The following ANKRD30B variants were observed in gnomAD, a reference collection of about 807,000 sequenced individuals.
ANKRD30B encodes ankyrin repeat domain 30B.
ANKRD30B carries 144 observed loss-of-function variants against 202.2 expected under a neutral mutation model. That is an observed-to-expected ratio of 0.71 (90% CI 0.62 to 0.82). The LOEUF is 0.82. Among genes scored for constraint, ANKRD30B ranks in the 40% least tolerant of loss-of-function variants. ANKRD30B has a pLI of 0.00. For missense variants in ANKRD30B, 1,487 were observed against 1,669.1 expected (o/e 0.89, Z 1.90); for synonymous variants, 508 against 561.3 (o/e 0.91, Z 1.34).
chr18:14,902,665 A>G, the ANKRD30B span, among the ~76,000 whole-genome samples: 1 of 152,060 alleles, frequency 6.6e-6, no homozygotes, highest in Non-Finnish European at 1.5e-5. Context: ...ATGTGTCTGT[A>G]TCCTTTAGTT....
At chr18:14,885,161 A>G in the ANKRD30B span, among the ~76,000 whole-genome samples, 1 of 152,124 alleles carries the variant, frequency 6.6e-6, no homozygotes, top group East Asian at 1.9e-4. Context: ...GCCAGTAATC[A>G]CCTATACTGA....
chr18:14,791,340 T>G, intron 15 of ANKRD30B, 61 bp from the exon 16 acceptor site: 1 of 1,396,304 alleles, frequency 7.2e-7, no homozygotes, highest in Non-Finnish European at 9.9e-7. Context: ...TAGAAAATTT[T>G]GATACTCTTC....
intron 22 of ANKRD30B, 42 bp downstream of exon 22, chr18:14,799,337 T>G: frequency 6.9e-7 from 1 of 1,458,374 alleles, no homozygotes; most frequent in Non-Finnish European, 9.2e-7. Flanking sequence ...ATTAAGAATA[T>G]TAAACTATTT....
chr18:14,905,888 G>A, the ANKRD30B span: 1 of 152,138 alleles, frequency 6.6e-6, no homozygotes, highest in African/African-American at 2.4e-5. Flanking sequence ...ATGCTGGTAA[G>A]TTTTGCCTAA....
intron 32 of ANKRD30B, among the ~76,000 whole-genome samples, chr18:14,825,456 AT>A (rs1299245180): frequency 1.6e-4 from 25 of 152,158 alleles, no homozygotes; most frequent in African/African-American, 5.3e-4. Flanking sequence ...GTACAAAGCA[AT>A]CATGCACCCT....
intron 16 of ANKRD30B, among the ~76,000 whole-genome samples, chr18:14,793,932 C>T (rs575074877): frequency 1.3e-5 from 2 of 151,928 alleles, no homozygotes; most frequent in South Asian, 4.2e-4. Context: ...TTTTACTTTC[C>T]ACCACATTTA....
the ANKRD30B span, among the ~76,000 whole-genome samples, chr18:14,871,015 CTACCCACA>C: frequency 7.8e-6 from 1 of 128,774 alleles, no homozygotes; most frequent in Non-Finnish European, 1.6e-5. Context: ...CCACACACCC[CTACCCACA>C]CACCCTCACC....
the ANKRD30B span, among the ~76,000 whole-genome samples, chr18:14,879,535 A>G: frequency 3.0e-4 from 46 of 152,294 alleles, no homozygotes; most frequent in African/African-American, 1.1e-3. Context: ...AAATGTAGTA[A>G]CGAACCTAGG....
chr18:14,843,553 CTGTGTGTGTGTGTGTGTGTG>C (rs56044501), intron 39 of ANKRD30B, among the ~76,000 whole-genome samples: 2 of 145,270 alleles, frequency 1.4e-5, no homozygotes, highest in Admixed American at 1.4e-4. Flanking sequence ...AGCTTACTTT[CTGTGTGTGTGTGTGTGTGTG>C]TGTGTGTGTG....
Position 14,748,462 on chromosome 18 carries a change from C to A in ANKRD30B, c.43C>A (p.Pro15Thr). 1 of 1,538,376 alleles carries A rather than the reference C, an allele frequency of 6.5e-7. No homozygotes were observed. The part of the protein sequence containing the change: ...LAAAGKGVRG[P>T]EPPNPFSERV... ...TGCCGCTGGCAAGGGCGTGCGGGGCCCGGAGCCCCCGAACCCCTTCAGCGA... is the reference window on the plus strand; with the variant it reads ...TGCCGCTGGCAAGGGCGTGCGGGGCACGGAGCCCCCGAACCCCTTCAGCGA... Residue 15 changes from proline (P) to threonine (T), a missense_variant, in exon 1 of 44, where the codon CCG (proline) becomes ACG (threonine). By Grantham distance (38) the Pro-to-Thr change is conservative. Coordinates refer to ENST00000690538, the MANE Select transcript of ANKRD30B (RefSeq NM_001367607.2).
At chr18:14,934,130 G>A in the ANKRD30B span, among the ~76,000 whole-genome samples, 3 of 152,208 alleles carry the variant, frequency 2.0e-5, no homozygotes, top group Admixed American at 6.5e-5. Flanking sequence ...CAGGGCAGGC[G>A]CCCCAGGCCC....
At chr18:14,785,233 C>T (rs1358909168) in intron 14 of ANKRD30B, among the ~76,000 whole-genome samples, 4 of 152,128 alleles carry the variant, frequency 2.6e-5, no homozygotes, top group Admixed American at 1.3e-4. Context: ...TATTTTACAA[C>T]GTGTGCATGG....
intron 30 of ANKRD30B, among the ~76,000 whole-genome samples, chr18:14,817,672 CT>C (rs1157013387): frequency 3.3e-5 from 5 of 152,126 alleles, no homozygotes; most frequent in Non-Finnish European, 7.3e-5. Flanking sequence ...TTTCTTTGCA[CT>C]TAGTGAGGAT....
chr18:14,769,512 C>T (rs1333082994), intron 8 of ANKRD30B, 139 bp downstream of exon 8: 1 of 632,294 alleles, frequency 1.6e-6, no homozygotes, highest in East Asian at 3.2e-5. Context: ...ATAGTCATCA[C>T]ACAGCTTTGC....
chr18:14,774,235 G>A (rs189447696), intron 9 of ANKRD30B, among the ~76,000 whole-genome samples: 1 of 152,186 alleles, frequency 6.6e-6, no homozygotes, highest in African/African-American at 2.4e-5. Context: ...AATATATTAT[G>A]AACAAAAGTC....
intron 7 of ANKRD30B, among the ~76,000 whole-genome samples, chr18:14,765,419 C>T (rs975676286): frequency 1.3e-4 from 20 of 150,498 alleles, no homozygotes; most frequent in Middle Eastern, 3.5e-3. Context: ...GCTGAGATCG[C>T]ACCATTGCAC....
the ANKRD30B span, among the ~76,000 whole-genome samples, chr18:14,923,955 C>T: frequency 7.9e-5 from 12 of 152,204 alleles, no homozygotes; most frequent in Admixed American, 2.0e-4. Flanking sequence ...CCTTCCCATA[C>T]AGCTTAGATC....
chr18:14,930,113 T>A, the ANKRD30B span, among the ~76,000 whole-genome samples: 10 of 152,020 alleles, frequency 6.6e-5, no homozygotes, highest in Non-Finnish European at 1.5e-4. Flanking sequence ...CATATGCAGG[T>A]GTGTGGCTCA....
chr18:14,914,260 T>A, the ANKRD30B span, among the ~76,000 whole-genome samples: 2 of 152,220 alleles, frequency 1.3e-5, no homozygotes, highest in East Asian at 3.8e-4. Flanking sequence ...GGTGCTTTGT[T>A]CCATGGCCTA....
Sources: gnomAD v4.1 joint callset for allele counts (sites outside exome capture counted in the v4.1 genomes callset) on GRCh38, gnomAD v4.1.1 for gene constraint, MANE v1.5 for transcripts, NCBI Gene and HGNC (gene_info 2026-07-23, HGNC 2026-07-21) for gene names.